Variants in SAMD12 observed in about 807,000 individuals in gnomAD.
The protein encoded by SAMD12 is sterile alpha motif domain containing 12.
SAMD12 carries 9 observed loss-of-function variants against 15.0 expected under a neutral mutation model. That is an observed-to-expected ratio of 0.60 (90% CI 0.36 to 1.05). The LOEUF is 1.05. SAMD12 is among the 50% of genes least tolerant of loss of function. The pLI is 0.01. For missense variants in SAMD12, 230 were observed against 234.2 expected (o/e 0.98, Z 0.12); for synonymous variants, 86 against 90.1 (o/e 0.96, Z 0.25).
chr8:118,198,743 T>A (rs1452836933), intron 4 of SAMD12, among the ~76,000 whole-genome samples: 1 of 152,168 alleles, frequency 6.6e-6, no homozygotes, highest in Non-Finnish European at 1.5e-5. Flanking sequence ...ATAATAATAC[T>A]TCTGATAGGT....
At chr8:118,362,883 T>C (rs1818575115) in intron 4 of SAMD12, among the ~76,000 whole-genome samples, 1 of 152,204 alleles carries the variant, frequency 6.6e-6, no homozygotes, top group Admixed American at 6.5e-5. Flanking sequence ...TCTGCTTCAT[T>C]ATGATGCCAA....
At chr8:118,203,849 G>A (rs1234822290) in intron 4 of SAMD12, among the ~76,000 whole-genome samples, 2 of 149,818 alleles carry the variant, frequency 1.3e-5, no homozygotes, top group South Asian at 4.2e-4. Context: ...TTTTGTCCTT[G>A]CGATAGTTTG....
intron 2 of SAMD12, among the ~76,000 whole-genome samples, chr8:118,543,261 C>T (rs73708724): frequency 0.03 from 4,572 of 152,222 alleles, 244 homozygotes; most frequent in African/African-American, 0.1. Flanking sequence ...CCTAAACCCA[C>T]TTCCCACACT....
chr8:118,458,349 T>C (rs1823319730), intron 2 of SAMD12, among the ~76,000 whole-genome samples: 1 of 152,226 alleles, frequency 6.6e-6, no homozygotes, highest in Non-Finnish European at 1.5e-5. Flanking sequence ...TTTCCATTTC[T>C]ATTCTGGGGT....
intron 4 of SAMD12, among the ~76,000 whole-genome samples, chr8:118,254,685 A>G (rs950032381): frequency 6.6e-6 from 1 of 151,884 alleles, no homozygotes; most frequent in Non-Finnish European, 1.5e-5. Flanking sequence ...AGGCCTTTCT[A>G]ACACTCCGGG....
chr8:118,381,050 A>G (rs1164559722), intron 3 of SAMD12, among the ~76,000 whole-genome samples: 1 of 152,194 alleles, frequency 6.6e-6, no homozygotes, highest in African/African-American at 2.4e-5. Flanking sequence ...TCATTTATAA[A>G]TCATTGGCCA....
chr8:118,579,939 T>C (rs1827244437), intron 2 of SAMD12, among the ~76,000 whole-genome samples: 1 of 152,212 alleles, frequency 6.6e-6, no homozygotes, highest in Non-Finnish European at 1.5e-5. Flanking sequence ...AGGGAGCCTT[T>C]AGAAGAGGCT....
At chr8:118,540,203 A>G (rs1825951276) in intron 2 of SAMD12, among the ~76,000 whole-genome samples, 1 of 152,194 alleles carries the variant, frequency 6.6e-6, no homozygotes, top group Non-Finnish European at 1.5e-5. Context: ...CACTCATTTT[A>G]AAAGTCTCTC....
chr8:118,543,798 C>A (rs769312965), intron 2 of SAMD12, among the ~76,000 whole-genome samples: 111 of 151,970 alleles, frequency 7.3e-4, no homozygotes, highest in Non-Finnish European at 1.1e-3. Flanking sequence ...TGCATTAATT[C>A]CTCACTCCCC....
intron 4 of SAMD12, among the ~76,000 whole-genome samples, chr8:118,361,464 G>A (rs911527543): frequency 6.6e-6 from 1 of 152,124 alleles, no homozygotes; most frequent in Admixed American, 6.6e-5. Context: ...CTATTACAAT[G>A]TTAGATACAA....
intron 1 of SAMD12, among the ~76,000 whole-genome samples, chr8:118,584,371 T>A (rs1827375490): frequency 6.6e-6 from 1 of 152,180 alleles, no homozygotes; most frequent in Admixed American, 6.5e-5. Context: ...GTCAAAGGTG[T>A]CCCCTTTTGA....
chr8:118,166,156 A>G, the SAMD12 span, among the ~76,000 whole-genome samples: 1 of 152,154 alleles, frequency 6.6e-6, no homozygotes, highest in East Asian at 1.9e-4. Context: ...ATGATTGACT[A>G]TTGCTGTAGC....
chr8:118,386,120 C>A (rs1003995256), intron 3 of SAMD12, among the ~76,000 whole-genome samples: 3 of 152,136 alleles, frequency 2.0e-5, no homozygotes, highest in Non-Finnish European at 4.4e-5. Context: ...GTTGCCATAA[C>A]AAACTATCAC....
intron 1 of SAMD12, 144 bp downstream of exon 1, chr8:118,621,660 G>A (rs1165279897): frequency 5.7e-6 from 5 of 875,634 alleles, no homozygotes; most frequent in African/African-American, 3.3e-5. Context: ...GCGCAGGTGA[G>A]TGCCAAGAGG....
At chr8:118,255,411 A>T (rs1039429396) in intron 4 of SAMD12, among the ~76,000 whole-genome samples, 12 of 151,802 alleles carry the variant, frequency 7.9e-5, no homozygotes, top group Admixed American at 3.9e-4. Context: ...CGTGCAGGTT[A>T]GTTACATATG....
intron 4 of SAMD12, among the ~76,000 whole-genome samples, chr8:118,250,356 A>G (rs1812791572): frequency 6.6e-6 from 1 of 152,152 alleles, no homozygotes; most frequent in South Asian, 2.1e-4. Context: ...TAAGAATGAA[A>G]TAGAATATTT....
chr8:118,556,759 T>C (rs1027797922), intron 2 of SAMD12, among the ~76,000 whole-genome samples: 2 of 151,942 alleles, frequency 1.3e-5, no homozygotes, highest in African/African-American at 2.4e-5. Flanking sequence ...ATTCAGGAGT[T>C]TGAGACCAGC....
intron 4 of SAMD12, among the ~76,000 whole-genome samples, chr8:118,258,802 A>G (rs962824596): frequency 6.6e-6 from 1 of 152,250 alleles, no homozygotes; most frequent in East Asian, 1.9e-4. Context: ...AGTGACATTA[A>G]TAGTAATCGC....
At chr8:118,170,050 G>A in the SAMD12 span, among the ~76,000 whole-genome samples, 2 of 152,122 alleles carry the variant, frequency 1.3e-5, no homozygotes, top group African/African-American at 2.4e-5. Flanking sequence ...TTTTACATTT[G>A]TTATTAGGCA....
Sources: gnomAD v4.1 joint callset for allele counts (sites outside exome capture counted in the v4.1 genomes callset) on GRCh38, gnomAD v4.1.1 for gene constraint, MANE v1.5 for transcripts, NCBI Gene and HGNC (gene_info 2026-07-23, HGNC 2026-07-21) for gene names.